The following DDX19B variants were observed in gnomAD, a reference collection of about 807,000 sequenced individuals.
DDX19B encodes the protein DEAD-box helicase 19B.
In DDX19B, 27 loss-of-function variants were observed where a neutral mutation model predicts 58.1. The observed-to-expected ratio is 0.46, with a 90% CI of 0.34 to 0.64. The LOEUF is 0.64. DDX19B is among the 30% of genes least tolerant of loss of function. The probability of loss-of-function intolerance (pLI) is 0.01; values close to 1 mark genes in which losing one functional copy is unlikely to be tolerated. For synonymous variants in DDX19B, 187 were observed against 214.4 expected (o/e 0.87, Z 1.12); for missense variants, 399 against 596.5 (o/e 0.67, Z 3.45).
chr16:70,316,506 C>G (rs1962420530), intron 4 of DDX19B, among the ~76,000 whole-genome samples: 1 of 152,152 alleles, frequency 6.6e-6, no homozygotes, highest in Non-Finnish European at 1.5e-5. Context: ...CCGCACCCAG[C>G]TGCTAACCAA....
At chr16:70,321,205 G>A (rs548884814) in intron 5 of DDX19B, among the ~76,000 whole-genome samples, 14 of 150,710 alleles carry the variant, frequency 9.3e-5, no homozygotes, top group South Asian at 2.1e-4. Context: ...CAGGTGATCC[G>A]CCTGCCTCAG....
At chr16:70,306,201 G>C (rs1326427132) in intron 1 of DDX19B, among the ~76,000 whole-genome samples, 1 of 151,990 alleles carries the variant, frequency 6.6e-6, no homozygotes, top group East Asian at 1.9e-4. Context: ...ACCCAGGCTG[G>C]AATGCAGTGG....
chr16:70,330,918 GC>G (rs753494421), intron 9 of DDX19B, among the ~76,000 whole-genome samples: 2 of 151,918 alleles, frequency 1.3e-5, no homozygotes, highest in African/African-American at 2.4e-5. Context: ...GGTGGTGCAT[GC>G]CTGTGGTCCC....
rs181275745 is a variant in DDX19B, at chr16:70,307,618, C to T, written c.58-4991C>T. Among the ~76,000 whole-genome samples, 241 of 152,158 alleles carry T rather than the reference C, an allele frequency of 1.6e-3. 2 individuals carry two copies. The highest frequency in any genetic ancestry group is 5.6e-3 in the African/African-American group (233 of 41,498). On this transcript the variant is annotated intron_variant, in intron 1 of 11. Coordinates refer to ENST00000288071, the MANE Select transcript of DDX19B (RefSeq NM_007242.7). ...GCTCAGGCAATCCATCCATCTCGGCCTCCCAAAGTACTAGGATTACAGGCG... is the reference window on the plus strand; with the variant it reads ...GCTCAGGCAATCCATCCATCTCGGCTTCCCAAAGTACTAGGATTACAGGCG...
intron 9 of DDX19B, among the ~76,000 whole-genome samples, chr16:70,330,618 C>A (rs1335388949): frequency 6.6e-6 from 1 of 151,902 alleles, no homozygotes; most frequent in African/African-American, 2.4e-5. Flanking sequence ...AAACAAAAAA[C>A]CAACAACAAA....
At chr16:70,313,068 G>C (rs191624720) in intron 2 of DDX19B, among the ~76,000 whole-genome samples, 181 of 152,130 alleles carry the variant, frequency 1.2e-3, no homozygotes, top group Non-Finnish European at 1.8e-3. Context: ...GCCCAGGCTG[G>C]AGTGCAGTGG....
chr16:70,300,737 C>T (rs903057174), intron 1 of DDX19B, among the ~76,000 whole-genome samples: 4 of 151,752 alleles, frequency 2.6e-5, no homozygotes, highest in Non-Finnish European at 5.9e-5. Context: ...ACTATATTAC[C>T]CAGGTTGGTC....
At position 70,320,920 on chromosome 16, in the gene DDX19B, C is replaced by G. The variant is rs144312877; in HGVS notation, c.389+3332C>G. ...GTTGCCCAGGCTGGTCTCAAACCCC[C>G]CAAAGTGTTGGGATTACAGGTATGA... On this transcript the variant is annotated intron_variant, in intron 5 of 11. Transcript: ENST00000288071. Among the ~76,000 whole-genome samples, 227 of 150,544 alleles carry G rather than the reference C, an allele frequency of 1.5e-3. 1 individual carries two copies. The East Asian group carries it at 0.04, about 27-fold the overall frequency.
intron 4 of DDX19B, among the ~76,000 whole-genome samples, chr16:70,316,798 T>C (rs1334093074): frequency 6.6e-6 from 1 of 152,090 alleles, no homozygotes; most frequent in Non-Finnish European, 1.5e-5. Flanking sequence ...AGGCCAGGCA[T>C]AGTGGCTCAT....
upstream of DDX19B, among the ~76,000 whole-genome samples, chr16:70,292,716 T>G (rs756897220): frequency 2.0e-5 from 3 of 152,182 alleles, no homozygotes; most frequent in Non-Finnish European, 2.9e-5. Flanking sequence ...GTAGAACATT[T>G]GTTGAACTCC....
chr16:70,303,489 C>CT (rs1961577524), intron 1 of DDX19B, among the ~76,000 whole-genome samples: 1 of 152,114 alleles, frequency 6.6e-6, no homozygotes, highest in African/African-American at 2.4e-5. Flanking sequence ...TACAACTTGT[C>CT]TTTTTTCAAC....
chr16:70,294,716 G>A, upstream of DDX19B: 2 of 606,162 alleles, frequency 3.3e-6, no homozygotes, highest in Non-Finnish European at 5.1e-6. Flanking sequence ...CCTGGGGCGC[G>A]TGCCCGAGCG....
At chr16:70,331,585 G>T in intron 9 of DDX19B, 137 bp from the exon 10 acceptor site, 1 of 1,218,862 alleles carries the variant, frequency 8.2e-7, no homozygotes, top group Non-Finnish European at 1.1e-6. Flanking sequence ...GCTTCATTGA[G>T]AAATTTTAAG....
Position 70,333,549 on chromosome 16 carries a change from T to C in DDX19B, c.1407T>C (p.Asp469=), listed in dbSNP as rs1352238694. 2 of 1,613,944 alleles carry C rather than the reference T, an allele frequency of 1.2e-6. No homozygotes were observed. Among genetic ancestry groups the C allele is most frequent in the East Asian group, 2.2e-5 (1 of 44,870 alleles). Reference sequence around the variant, plus strand: ...AGAAGATAGAAAGATTGGACACAGATGATTTGGACGAGATTGAGAAAATAG... The same window carrying C: ...AGAAGATAGAAAGATTGGACACAGACGATTTGGACGAGATTGAGAAAATAG... ...FNKKIERLDT[D]DLDEIEKIAN The change falls in exon 12 of 12, where the codon GAT becomes GAC. Residue 469 remains aspartate (D), a synonymous_variant. Coordinates refer to ENST00000288071, the MANE Select transcript of DDX19B (RefSeq NM_007242.7).
intron 6 of DDX19B, 94 bp from the exon 7 acceptor site, chr16:70,325,480 C>A: frequency 1.3e-6 from 1 of 789,186 alleles, no homozygotes; most frequent in Non-Finnish European, 2.2e-6. Flanking sequence ...TTTCCTTCAG[C>A]TTCAGCTGGA....
rs1963220481 is a variant in DDX19B at position 70,327,374 on chromosome 16, CA to C, written c.607+1687del. ...ATGGTGAAACCCCATCTCTACTAAA[CA>C]TAGAAAAATTAGCCAGGTGTGGTGG... On this transcript the variant is annotated intron_variant, in intron 7 of 11. Transcript: ENST00000288071. 2.6e-5 allele frequency among the ~76,000 whole-genome samples: 4 copies of C among 151,826 alleles called. No individual in the cohort carries two copies. In the South Asian group the frequency reaches 8.3e-4, roughly 32 times the overall value.
At chr16:70,299,071 G>A, upstream of DDX19B, 1 of 1,181,698 alleles carries the variant, frequency 8.5e-7, no homozygotes. Flanking sequence ...AGCTTGCTCT[G>A]CCCGGGGTTG....
chr16:70,293,427 A>G (rs868252898), upstream of DDX19B, among the ~76,000 whole-genome samples: 69 of 151,846 alleles, frequency 4.5e-4, no homozygotes, highest in African/African-American at 1.6e-3. Flanking sequence ...CAATTGAAAA[A>G]AAAAAGAAAG....
Position 70,325,654 on chromosome 16 carries a change from A to C in DDX19B, c.573A>C (p.Glu191Asp), listed in dbSNP as rs150416272. 1 of 1,614,092 alleles carries C rather than the reference A, an allele frequency of 6.2e-7. No individual in the cohort carries two copies. Residue 191 changes from glutamate to aspartate, a missense_variant, in exon 7 of 12, where the codon GAA (glutamate) becomes GAC (aspartate). By Grantham distance (45) the Glu-to-Asp change is conservative. Transcript: ENST00000288071. ...AACAAATGGGCAAATTTTACCCTGAACTGAAGCTAGCTTATGCTGTTCGAG... is the reference window on the plus strand; with the variant it reads ...AACAAATGGGCAAATTTTACCCTGACCTGAAGCTAGCTTATGCTGTTCGAG... ...VIEQMGKFYP[E>D]LKLAYAVRGN...
Sources: allele counts gnomAD v4.1 joint callset (sites outside exome capture counted in the v4.1 genomes callset), GRCh38; gene constraint gnomAD v4.1.1; transcripts MANE v1.5; gene names NCBI Gene and HGNC (gene_info 2026-07-23, HGNC 2026-07-21).